WFIKKN1: variants seen among roughly 807,000 people sequenced by gnomAD.
WFIKKN1 encodes WAP, Kazal, immunoglobulin, Kunitz and NTR domain-containing protein 1.
WFIKKN1 carries 6 observed loss-of-function variants against 4.6 expected under a neutral mutation model. The observed-to-expected ratio is 1.31, with a 90% CI of 0.72 to 2.59. WFIKKN1 has a LOEUF of 2.59. Ranked by LOEUF, WFIKKN1 falls within the 30% of genes most tolerant of loss-of-function variation. WFIKKN1 has a pLI of 0.00. For synonymous variants in WFIKKN1, 468 were observed against 367.4 expected (o/e 1.27, Z -3.13); for missense variants, 964 against 818.0 (o/e 1.18, Z -2.18).
Position 633,641 on chromosome 16 carries a change from GTGCCGCGCACACCGCCCT to G in WFIKKN1, c.1232_1249del (p.Val411_Cys417delinsGly). ...CGAGAGCTGCGAGGATGCCTGCCCCGTGCCGCGCACACCGCCCTGCCGCGCCTGCCGCCTCCGGAGCAA... is the reference window on the plus strand; with the variant it reads ...CGAGAGCTGCGAGGATGCCTGCCCCGGCCGCGCCTGCCGCCTCCGGAGCAA... On this transcript the variant is annotated inframe_deletion, in exon 2 of 2. Coordinates refer to ENST00000319070, the MANE Select transcript of WFIKKN1 (RefSeq NM_053284.3). 6.4e-7 allele frequency: 1 copy of G among 1,569,528 alleles called. No individual in the cohort carries two copies. Among genetic ancestry groups the G allele is most frequent in the East Asian group, 2.4e-5 (1 of 41,950 alleles).
intron 1 of WFIKKN1, 102 bp downstream of exon 1, chr16:631,526 G>A: frequency 2.1e-6 from 3 of 1,433,718 alleles, no homozygotes; most frequent in Non-Finnish European, 1.8e-6. Flanking sequence ...GACTTCTGGG[G>A]GGTCTGGGTC....
rs1406079332 is a variant in WFIKKN1, at chr16:633,139, C to T, written c.729C>T (p.Thr243=). Residue 243 remains threonine, a synonymous_variant, in exon 2 of 2, where the codon ACC becomes ACT. Coordinates refer to ENST00000319070, the MANE Select transcript of WFIKKN1 (RefSeq NM_053284.3). ...AGATGTATGGCAACGTGGTGGTCAC[C>T]AGCATCGGGCAGCTGGTGCTCTACA... ...PDQMYGNVVV[T]SIGQLVLYNA... The T allele has an allele frequency of 1.2e-6, 2 of 1,605,662 alleles. No individual in the cohort carries two copies. Among genetic ancestry groups the T allele is most frequent in the Admixed American group, 3.4e-5 (2 of 59,682 alleles).
In WFIKKN1 at chr16:633,018, C is replaced by A; in HGVS notation, c.608C>A (p.Ala203Asp). The A allele has an allele frequency of 6.2e-7, 1 of 1,608,274 alleles. No individual in the cohort carries two copies. The highest frequency in any genetic ancestry group is 8.5e-7 in the Non-Finnish European group (1 of 1,177,600). The change falls in exon 2 of 2, where the codon GCC becomes GAC. Residue 203 changes from alanine to aspartate, a missense_variant. Transcript: ENST00000319070. ...CAGGCGGTGCAGGTTGGGGGTACGG[C>A]CAGCCTCCACTGCGACGTCAGCGGC... Reference protein sequence around the residue: ...SPQAVQVGGTASLHCDVSGRP... With the variant: ...SPQAVQVGGTDSLHCDVSGRP...
Position 633,335 on chromosome 16 carries a change from C to A in WFIKKN1, c.925C>A (p.Pro309Thr). ...GCCGGATGTGCAGGCCTGCACGGGC[C>A]CCACTTCCCCACACCTTGTCCTCTG... ...CLPDVQACTG[P>T]TSPHLVLWHY... Residue 309 changes from proline to threonine, a missense_variant, in exon 2 of 2, where the codon CCC becomes ACC. Coordinates refer to ENST00000319070, the MANE Select transcript of WFIKKN1 (RefSeq NM_053284.3). The A allele has an allele frequency of 6.3e-7, 1 of 1,582,494 alleles. No individual in the cohort carries two copies. The highest frequency in any genetic ancestry group is 8.6e-7 in the Non-Finnish European group (1 of 1,168,582).
At position 633,425 on chromosome 16, in the gene WFIKKN1, C is replaced by A. The variant is rs755035873; in HGVS notation, c.1015C>A (p.Arg339Ser). ...FPARGCDGAA[R>S]GFETYEACQQ... ...GGCCCGTGGCTGTGATGGGGCGGCC[C>A]GCGGCTTTGAGACCTACGAGGCATG... Residue 339 changes from arginine (R) to serine (S), a missense_variant, in exon 2 of 2, where the codon CGC (arginine) becomes AGC (serine). By Grantham distance (110) the Arg-to-Ser change is moderately radical (BLOSUM62 -1). Coordinates refer to ENST00000319070, the MANE Select transcript of WFIKKN1 (RefSeq NM_053284.3). The A allele has an allele frequency of 6.5e-7, 1 of 1,547,638 alleles. No individual in the cohort carries two copies. Among genetic ancestry groups the A allele is most frequent in the South Asian group, 1.2e-5 (1 of 84,084 alleles).
In WFIKKN1 at chr16:634,043, C is replaced by G. The variant is rs759569413; in HGVS notation, c.1633C>G (p.Arg545Gly). Residue 545 changes from arginine to glycine, a missense_variant, in exon 2 of 2, where the codon CGC becomes GGC. By Grantham distance (125) the Arg-to-Gly change is moderately radical. Coordinates refer to ENST00000319070, the MANE Select transcript of WFIKKN1 (RefSeq NM_053284.3). ...GAAGCAGGCCTGCGAGCTGCTCAAC[C>G]GCTTCCAGGACTAGCCCCCGCAGGG... ...LEKQACELLNRFQD is the reference protein window; with the variant it reads ...LEKQACELLNGFQD 16 of 1,583,738 alleles carry G rather than the reference C, an allele frequency of 1.0e-5. No homozygotes were observed. The South Asian group carries it at 1.1e-4, about 11-fold the overall frequency.
chr16:633,782 G>A lies in WFIKKN1; in HGVS notation c.1372G>A (p.Ala458Thr), dbSNP rs925362090. Residue 458 changes from alanine (A) to threonine (T), a missense_variant, in exon 2 of 2, where the codon GCG (alanine) becomes ACG (threonine). Coordinates refer to ENST00000319070, the MANE Select transcript of WFIKKN1 (RefSeq NM_053284.3). ...PEAAGGIARV[A>T]LEDVLKDDKM... ...GGCCGCCGGCGGCATCGCCCGCGTG[G>A]CGCTCGAGGACGTGCTCAAGGATGA... 2 of 1,600,110 alleles carry A rather than the reference G, an allele frequency of 1.2e-6. No homozygotes were observed. Among genetic ancestry groups the A allele is most frequent in the Middle Eastern group, 1.7e-4 (1 of 6,046 alleles).
chr16:632,258 G>T (rs529098659), intron 1 of WFIKKN1: 3 of 276,840 alleles, frequency 1.1e-5, no homozygotes, highest in East Asian at 1.2e-4. Flanking sequence ...TGCAGCCGAT[G>T]TCCAGCCTTT....
chr16:633,794 G>A lies in WFIKKN1; in HGVS notation c.1384G>A (p.Val462Met). The A allele has an allele frequency of 1.2e-6, 2 of 1,602,366 alleles. No individual in the cohort carries two copies. The highest frequency in any genetic ancestry group is 1.7e-6 in the Non-Finnish European group (2 of 1,175,050). The change falls in exon 2 of 2, where the codon GTG becomes ATG. Residue 462 changes from valine to methionine, a missense_variant. By Grantham distance (21) the Val-to-Met change is conservative. Coordinates refer to ENST00000319070, the MANE Select transcript of WFIKKN1 (RefSeq NM_053284.3). ...CATCGCCCGCGTGGCGCTCGAGGACGTGCTCAAGGATGACAAGATGGGCCT... is the reference window on the plus strand; with the variant it reads ...CATCGCCCGCGTGGCGCTCGAGGACATGCTCAAGGATGACAAGATGGGCCT... ...GGIARVALED[V>M]LKDDKMGLKF...
Position 631,024 on chromosome 16 carries a change from TCACA to T in WFIKKN1, c.-227_-224del, listed in dbSNP as rs1241521399. 1.8e-6 allele frequency: 1 copy of T among 557,984 alleles called. No individual in the cohort carries two copies. Among genetic ancestry groups the T allele is most frequent in the Non-Finnish European group, 3.2e-6 (1 of 316,976 alleles). The allele number at this position is 557,984 out of a possible 1,614,324, so 34.6% of individuals were successfully genotyped here. A position where few individuals can be genotyped will look rare whatever the true frequency, so the allele number is the denominator to read the frequency against. ...GGCTGAAGCTGGAGAGGAACCAGCG[TCACA>T]CAGACGGCCTCTGAGAACTTGGAGA... On this transcript the variant is annotated 5_prime_UTR_variant, in exon 1 of 2. Coordinates refer to ENST00000319070, the MANE Select transcript of WFIKKN1 (RefSeq NM_053284.3).
In WFIKKN1 at chr16:633,026, C is replaced by T; in HGVS notation, c.616C>T (p.His206Tyr). 2 of 1,609,980 alleles carry T rather than the reference C, an allele frequency of 1.2e-6. No individual in the cohort carries two copies. Among genetic ancestry groups the T allele is most frequent in the Non-Finnish European group, 1.7e-6 (2 of 1,178,516 alleles). Residue 206 changes from histidine (H) to tyrosine (Y), a missense_variant, in exon 2 of 2, where the codon CAC (histidine) becomes TAC (tyrosine). His to Tyr is a moderately conservative substitution (Grantham distance 83). Coordinates refer to ENST00000319070, the MANE Select transcript of WFIKKN1 (RefSeq NM_053284.3). ...GCAGGTTGGGGGTACGGCCAGCCTC[C>T]ACTGCGACGTCAGCGGCCGCCCGCC... ...AVQVGGTASLHCDVSGRPPPA... is the reference protein window; with the variant it reads ...AVQVGGTASLYCDVSGRPPPA...
rs374395816 is a variant in WFIKKN1 at position 633,989 on chromosome 16, C to T, written c.1579C>T (p.Arg527Cys). Residue 527 changes from arginine to cysteine, a missense_variant, in exon 2 of 2, where the codon CGC (arginine) becomes TGC (cysteine). Transcript: ENST00000319070. ...CTACGTCCGCGCCGCCAGCGAGAAG[C>T]GCGTCAAGAAGATCTTGGAGCTGCT... ...GSYVRAASEK[R>C]VKKILELLEK... The T allele has an allele frequency of 1.9e-5, 30 of 1,602,454 alleles. No homozygotes were observed. Among genetic ancestry groups the T allele is most frequent in the African/African-American group, 4.0e-5 (3 of 74,776 alleles).
rs760852810 is a variant in WFIKKN1, at chr16:633,168, C to T, written c.758C>T (p.Ala253Val). The T allele has an allele frequency of 1.0e-5, 16 of 1,598,602 alleles. No homozygotes were observed. Among genetic ancestry groups the T allele is most frequent in the Admixed American group, 6.8e-5 (4 of 59,134 alleles). ...TSIGQLVLYN[A>V]RPEDAGLYTC... is the part of the protein sequence containing the mutation. ...ATCGGGCAGCTGGTGCTCTACAACG[C>T]GCGGCCCGAAGACGCCGGCCTGTAC... Residue 253 changes from alanine (A) to valine (V), a missense_variant, in exon 2 of 2, where the codon GCG becomes GTG. Transcript: ENST00000319070.
chr16:631,463 G>C (rs1371234874), intron 1 of WFIKKN1, 39 bp downstream of exon 1: 1 of 1,590,480 alleles, frequency 6.3e-7, no homozygotes, highest in Non-Finnish European at 8.5e-7. Flanking sequence ...GCTCAGAGCA[G>C]CCAGCCTGGG....
rs1237144424 is a variant in WFIKKN1, at chr16:634,039, C to G, written c.1629C>G (p.Leu543=). The part of the protein sequence containing the change: ...ELLEKQACEL[L]NRFQD ...TGGAGAAGCAGGCCTGCGAGCTGCT[C>G]AACCGCTTCCAGGACTAGCCCCCGC... The change falls in exon 2 of 2, where the codon CTC becomes CTG. Residue 543 remains leucine (L), a synonymous_variant. Transcript: ENST00000319070. 2 of 1,585,376 alleles carry G rather than the reference C, an allele frequency of 1.3e-6. No homozygotes were observed. The highest frequency in any genetic ancestry group is 2.3e-5 in the East Asian group (1 of 44,264).
At chr16:631,477 G>C in intron 1 of WFIKKN1, 53 bp downstream of exon 1, 2 of 1,576,140 alleles carry the variant, frequency 1.3e-6, no homozygotes, top group South Asian at 1.1e-5. Context: ...GCCTGGGCAA[G>C]ACCCTGCTGG....
Position 633,439 on chromosome 16 carries a change from C to G in WFIKKN1, c.1029C>G (p.Thr343=), listed in dbSNP as rs773675063. 6.5e-7 allele frequency: 1 copy of G among 1,546,582 alleles called. No individual in the cohort carries two copies. Among genetic ancestry groups the G allele is most frequent in the Non-Finnish European group, 8.7e-7 (1 of 1,154,404 alleles). ...GCDGAARGFE[T]YEACQQACAR... ...ATGGGGCGGCCCGCGGCTTTGAGACCTACGAGGCATGCCAGCAGGCCTGTG... is the reference window on the plus strand; with the variant it reads ...ATGGGGCGGCCCGCGGCTTTGAGACGTACGAGGCATGCCAGCAGGCCTGTG... The change falls in exon 2 of 2, where the codon ACC becomes ACG. Residue 343 remains threonine, a synonymous_variant. Transcript: ENST00000319070.
chr16:632,800 G>C lies in WFIKKN1; in HGVS notation c.390G>C (p.Ser130=). The part of the protein sequence containing the change: ...CEKEPSFTCA[S]DGLTYYNRCY... ...AGGAGCCCAGCTTCACCTGCGCCTC[G>C]GACGGCCTCACCTACTACAACCGCT... The change falls in exon 2 of 2, where the codon TCG becomes TCC. Residue 130 remains serine, a synonymous_variant. Transcript: ENST00000319070. 1.3e-6 allele frequency: 2 copies of C among 1,598,068 alleles called. No homozygotes were observed. Among genetic ancestry groups the C allele is most frequent in the East Asian group, 2.2e-5 (1 of 44,518 alleles).
chr16:633,744 T>C lies in WFIKKN1; in HGVS notation c.1334T>C (p.Leu445Pro). The change falls in exon 2 of 2, where the codon CTG (leucine) becomes CCG (proline). Residue 445 changes from leucine to proline, a missense_variant. By Grantham distance (98) the Leu-to-Pro change is moderately conservative. Coordinates refer to ENST00000319070, the MANE Select transcript of WFIKKN1 (RefSeq NM_053284.3). ...FAIVGRLTEV[L>P]EEPEAAGGIA... ...ATCGTGGGGCGGCTCACGGAGGTGC[T>C]GGAGGAGCCCGAGGCCGCCGGCGGC... 7 of 1,591,882 alleles carry C rather than the reference T, an allele frequency of 4.4e-6. No individual in the cohort carries two copies. The highest frequency in any genetic ancestry group is 5.1e-6 in the Non-Finnish European group (6 of 1,169,928).
Sources: allele counts gnomAD v4.1 joint callset, GRCh38; gene constraint gnomAD v4.1.1; transcripts MANE v1.5; gene names NCBI Gene and HGNC (gene_info 2026-07-23, HGNC 2026-07-21).